Variants in ME3 observed in about 807,000 individuals in gnomAD.
ME3 encodes the protein NADP-dependent malic enzyme, mitochondrial.
Under a neutral mutation model 68.9 loss-of-function variants are expected in ME3, and 48 were observed. The observed-to-expected ratio is 0.70, with a 90% CI of 0.55 to 0.89. The LOEUF is 0.89. ME3 is among the 40% of genes least tolerant of loss of function. The pLI is 0.00. For synonymous variants in ME3, 320 were observed against 318.8 expected (o/e 1.00, Z -0.04); for missense variants, 675 against 797.4 (o/e 0.85, Z 1.85).
At chr11:86,448,395 T>A (rs1412656682) in intron 10 of ME3, 140 bp from the exon 11 acceptor site, 1 of 643,422 alleles carries the variant, frequency 1.6e-6, no homozygotes, top group Admixed American at 2.7e-5. Flanking sequence ...GGGGCCCATC[T>A]TCTTGACTAC....
At chr11:86,450,495 G>T in intron 8 of ME3, 97 bp from the exon 9 acceptor site, 1 of 980,182 alleles carries the variant, frequency 1.0e-6, no homozygotes, top group Non-Finnish European at 1.6e-6. Flanking sequence ...GACTGTGGAG[G>T]AACAGGCAAC....
At chr11:86,640,022 C>T (rs1033460960) in intron 2 of ME3, among the ~76,000 whole-genome samples, 1 of 152,156 alleles carries the variant, frequency 6.6e-6, no homozygotes, top group Non-Finnish European at 1.5e-5. Flanking sequence ...AATTCACCTT[C>T]GGCCTCAAGG....
chr11:86,650,751 G>C (rs1453850012), intron 2 of ME3, among the ~76,000 whole-genome samples: 1 of 151,950 alleles, frequency 6.6e-6, no homozygotes, highest in Admixed American at 6.5e-5. Context: ...GTGGGTGCAG[G>C]ACAGTGGGTG....
intron 2 of ME3, among the ~76,000 whole-genome samples, chr11:86,624,357 C>T (rs1943530722): frequency 6.6e-6 from 1 of 152,170 alleles, no homozygotes; most frequent in South Asian, 2.1e-4. Context: ...GTTTCATTAG[C>T]AGTTGCTGTG....
intron 2 of ME3, among the ~76,000 whole-genome samples, chr11:86,667,174 G>T (rs1427574891): frequency 1.3e-5 from 2 of 152,116 alleles, no homozygotes; most frequent in African/African-American, 4.8e-5. Context: ...GAAATGTCCT[G>T]GTCCATAATC....
chr11:86,490,833 C>T (rs1951959969), intron 6 of ME3, among the ~76,000 whole-genome samples: 2 of 152,152 alleles, frequency 1.3e-5, no homozygotes, highest in Non-Finnish European at 2.9e-5. Context: ...GTGCATCAAG[C>T]AGCATAGAGT....
At chr11:86,463,780 GA>G (rs34349106) in intron 8 of ME3, among the ~76,000 whole-genome samples, 1 of 152,110 alleles carries the variant, frequency 6.6e-6, no homozygotes, top group East Asian at 1.9e-4. Context: ...CCATAATGGG[GA>G]AAAAAGGGCA....
At chr11:86,617,980 C>T (rs913125837) in intron 2 of ME3, among the ~76,000 whole-genome samples, 9 of 151,970 alleles carry the variant, frequency 5.9e-5, no homozygotes, top group Admixed American at 2.0e-4. Context: ...CAATATCGGA[C>T]CTGGAGTCTA....
At chr11:86,620,336 A>G (rs907283204) in intron 2 of ME3, among the ~76,000 whole-genome samples, 5 of 152,188 alleles carry the variant, frequency 3.3e-5, no homozygotes, top group African/African-American at 1.2e-4. Flanking sequence ...GGTCTCAGAC[A>G]TGTAATCTTT....
chr11:86,586,013 G>C (rs929744338), intron 2 of ME3, among the ~76,000 whole-genome samples: 3 of 152,276 alleles, frequency 2.0e-5, no homozygotes, highest in African/African-American at 7.2e-5. Flanking sequence ...GAGGTTCTTC[G>C]TAACCCAGTG....
chr11:86,497,295 G>A (rs1471106466), intron 6 of ME3, among the ~76,000 whole-genome samples: 1 of 152,044 alleles, frequency 6.6e-6, no homozygotes, highest in Admixed American at 6.6e-5. Context: ...TCAATAATAT[G>A]CACTGATCTC....
At chr11:86,545,994 C>G (rs1339368086) in intron 4 of ME3, among the ~76,000 whole-genome samples, 1 of 152,106 alleles carries the variant, frequency 6.6e-6, no homozygotes, top group African/African-American at 2.4e-5. Flanking sequence ...GAACAGAGGC[C>G]TCAGAAATAA....
rs1180743000 is a variant in ME3, at chr11:86,463,463, C to T, written c.919+1628G>A. ...GTGAGAGAATGCTTCCCCCCACCAG[C>T]GCATCTTCCTGAACTGCACAGCCCT... On this transcript the variant is annotated intron_variant, in intron 8 of 14. Transcript: ENST00000543262. Among the ~76,000 whole-genome samples the T allele has an allele frequency of 3.9e-5, 6 of 152,336 alleles. No individual in the cohort carries two copies. The East Asian group carries it at 5.8e-4, about 15-fold the overall frequency.
chr11:86,484,637 A>G (rs1468843786), intron 7 of ME3, among the ~76,000 whole-genome samples: 2 of 152,208 alleles, frequency 1.3e-5, no homozygotes, highest in Non-Finnish European at 2.9e-5. Context: ...ACGAATAGCA[A>G]TACTTTTCTG....
intron 2 of ME3, among the ~76,000 whole-genome samples, chr11:86,650,066 T>A (rs778563526): frequency 9.2e-5 from 14 of 152,072 alleles, no homozygotes; most frequent in Admixed American, 4.6e-4. Context: ...TATACTACGA[T>A]GCTACAGTAA....
At chr11:86,446,386 G>A (rs758225028) in exon 13 of ME3, 13 of 1,614,066 alleles carry the variant, frequency 8.1e-6, no homozygotes, top group Non-Finnish European at 9.3e-6. Context: ...GTGCCACCCC[G>A]GGGAACACGT....
intron 4 of ME3, among the ~76,000 whole-genome samples, chr11:86,521,455 A>AATAATAATAATAATAATAAT (rs57608294): frequency 1.7e-4 from 20 of 114,638 alleles, no homozygotes; most frequent in South Asian, 5.7e-4. Context: ...ATAATAATAA[A>AATAATAATAATAATAATAAT]AAAATGGAGC....
At chr11:86,445,210 A>G (rs983992888) in intron 13 of ME3, among the ~76,000 whole-genome samples, 1 of 152,246 alleles carries the variant, frequency 6.6e-6, no homozygotes, top group African/African-American at 2.4e-5. Flanking sequence ...CAAACAGAGT[A>G]CTCAGACAAG....
intron 8 of ME3, among the ~76,000 whole-genome samples, chr11:86,457,118 C>T (rs578250749): frequency 2.6e-5 from 4 of 152,302 alleles, no homozygotes; most frequent in South Asian, 2.1e-4. Flanking sequence ...GCCTACTTGT[C>T]CCATTATTCC....
Sources: gnomAD v4.1 joint callset for allele counts (sites outside exome capture counted in the v4.1 genomes callset) on GRCh38, gnomAD v4.1.1 for gene constraint, MANE v1.5 for transcripts, NCBI Gene and HGNC (gene_info 2026-07-23, HGNC 2026-07-21) for gene names.